USP46: variants seen among roughly 807,000 people sequenced by gnomAD.
USP46 encodes the protein ubiquitin specific peptidase 46, also known as ubiquitin carboxyl-terminal hydrolase 46.
In USP46, 12 loss-of-function variants were observed where a neutral mutation model predicts 44.4. The ratio of observed to expected loss-of-function variants is 0.27; its 90% CI spans 0.17 to 0.44. USP46 has a LOEUF of 0.44. USP46 is among the 20% of genes least tolerant of loss of function. USP46 has a pLI of 1.00. For synonymous variants in USP46, 155 were observed against 161.5 expected (o/e 0.96, Z 0.31); for missense variants, 248 against 444.8 (o/e 0.56, Z 3.98).
intron 1 of USP46, among the ~76,000 whole-genome samples, chr4:52,636,233 G>A (rs1271869822): frequency 6.6e-6 from 1 of 152,086 alleles, no homozygotes; most frequent in South Asian, 2.1e-4. Flanking sequence ...TTTGAAGATG[G>A]AGGAAGAGGC....
At chr4:52,604,723 A>G (rs1716616489) in intron 5 of USP46, 139 bp from the exon 6 acceptor site, 1 of 603,426 alleles carries the variant, frequency 1.7e-6, no homozygotes, top group African/African-American at 1.9e-5. Context: ...ATCCTACTTA[A>G]GACTAGGATG....
chr4:52,632,990 A>AAAGAAAGAAAAGAAAAGAAAG, intron 1 of USP46, among the ~76,000 whole-genome samples: 125 of 65,976 alleles, frequency 1.9e-3, no homozygotes, highest in Middle Eastern at 8.3e-3. Flanking sequence ...GAAAGAAAAG[A>AAAGAAAGAAAAGAAAAGAAAG]AAAGAAAGAA....
intron 4 of USP46, among the ~76,000 whole-genome samples, chr4:52,613,479 T>A (rs980492474): frequency 1.3e-5 from 2 of 151,882 alleles, no homozygotes; most frequent in Non-Finnish European, 2.9e-5. Flanking sequence ...ATTCCAGCAC[T>A]TTGGGAGGTG....
intron 8 of USP46, among the ~76,000 whole-genome samples, chr4:52,598,417 A>G (rs1716328726): frequency 6.6e-6 from 1 of 152,224 alleles, no homozygotes; most frequent in East Asian, 1.9e-4. Flanking sequence ...TGAACCGTGG[A>G]GAACACAGCG....
At position 52,659,104 on chromosome 4, in the gene USP46, C is replaced by T. The variant is rs1191709113; in HGVS notation, c.36+11G>A. On this transcript the variant is annotated intron_variant, in intron 1 of 8. Transcript: ENST00000441222. The surrounding 1 kb of genome is among the most constrained non-coding windows in gnomAD (Gnocchi z 4.2). Reference sequence around the variant, plus strand: ...AGTCGGGCGCGACCCCGAGGCGGCTCGGCCACTCACCATATTACAGATGGA... The same window carrying T: ...AGTCGGGCGCGACCCCGAGGCGGCTTGGCCACTCACCATATTACAGATGGA... The T allele has an allele frequency of 1.3e-6, 2 of 1,557,890 alleles. No individual in the cohort carries two copies. The highest frequency in any genetic ancestry group is 1.2e-5 in the South Asian group (1 of 84,610).
At chr4:52,628,950 C>T (rs1200420395) in intron 2 of USP46, among the ~76,000 whole-genome samples, 4 of 152,190 alleles carry the variant, frequency 2.6e-5, no homozygotes, top group Admixed American at 2.6e-4. Context: ...AGAGGGAAAA[C>T]GTCTCACTGA....
chr4:52,592,933 T>C lies in USP46; in HGVS notation c.*4707A>G, dbSNP rs1716081682. 2 of 398,432 alleles carry C rather than the reference T, an allele frequency of 5.0e-6. No homozygotes were observed. The allele number at this position is 398,432 out of a possible 1,614,324, so 24.7% of individuals were successfully genotyped here. On this transcript the variant is annotated 3_prime_UTR_variant, in exon 9 of 9. Transcript: ENST00000441222. ...AGATGGGCTTGCTTTCCCTTTGCCT[T>C]CTGCTGATTGTAAGTTTCCTGAGGC...
Position 52,659,255 on chromosome 4 carries a change from C to T in USP46, c.-105G>A, listed in dbSNP as rs1260612985. On this transcript the variant is annotated 5_prime_UTR_variant, in exon 1 of 9. Coordinates refer to ENST00000441222, the MANE Select transcript of USP46 (RefSeq NM_022832.4). The surrounding 1 kb of genome is among the most constrained non-coding windows in gnomAD (Gnocchi z 4.2). The stretch of plus-strand genomic sequence containing the variant: ...GGAGGCCGGGCGGCAGCGCGGCGGC[C>T]TGGGGTCCGGCTTTCAGTTTGGCTG... The T allele has an allele frequency of 1.7e-6, 2 of 1,199,522 alleles. No individual in the cohort carries two copies. The highest frequency in any genetic ancestry group is 2.2e-4 in the Middle Eastern group (1 of 4,486). The allele number at this position is 1,199,522 out of a possible 1,614,324, so 74.3% of individuals were successfully genotyped here.
At chr4:52,599,653 T>C (rs527418153) in intron 7 of USP46, among the ~76,000 whole-genome samples, 2 of 152,152 alleles carry the variant, frequency 1.3e-5, no homozygotes, top group East Asian at 1.9e-4. Context: ...CCTGTTACTA[T>C]GTAGTTAGGT....
At chr4:52,599,101 A>C (rs372279232) in intron 7 of USP46, among the ~76,000 whole-genome samples, 2 of 152,288 alleles carry the variant, frequency 1.3e-5, no homozygotes, top group Admixed American at 6.5e-5. Context: ...TAAACTTATA[A>C]ATGTATGTCA....
intron 1 of USP46, among the ~76,000 whole-genome samples, chr4:52,646,517 A>G (rs1440278262): frequency 1.3e-5 from 2 of 152,246 alleles, no homozygotes; most frequent in Non-Finnish European, 2.9e-5. Flanking sequence ...AACTAAAAAC[A>G]TGGAGATAAA....
In USP46 at chr4:52,598,618, G is replaced by A; in HGVS notation, c.999+10C>T. 6.2e-7 allele frequency: 1 copy of A among 1,606,040 alleles called. No homozygotes were observed. The highest frequency in any genetic ancestry group is 8.5e-7 in the Non-Finnish European group (1 of 1,176,240). ...CTCTATGACTACTGGAGAATAATCTGCAAACCAACCTCTACAATGTCATCA... is the reference window on the plus strand; with the variant it reads ...CTCTATGACTACTGGAGAATAATCTACAAACCAACCTCTACAATGTCATCA... On this transcript the variant is annotated intron_variant, in intron 8 of 8. Coordinates refer to ENST00000441222, the MANE Select transcript of USP46 (RefSeq NM_022832.4).
chr4:52,655,981 C>G (rs933592888), intron 1 of USP46, among the ~76,000 whole-genome samples: 1 of 152,132 alleles, frequency 6.6e-6, no homozygotes, highest in African/African-American at 2.4e-5. Context: ...CTCAATCACA[C>G]GAAGTATCTG....
In USP46 at chr4:52,591,852, C is replaced by A. The variant is rs924347652; in HGVS notation, c.*5788G>T. 1.3e-5 allele frequency: 2 copies of A among 152,168 alleles called. No homozygotes were observed. The highest frequency in any genetic ancestry group is 4.8e-5 in the African/African-American group (2 of 41,434). 9.4% of individuals were successfully genotyped at this position (152,168 alleles called of 1,614,324 possible). A position where few individuals can be genotyped will look rare whatever the true frequency, so the allele number is the denominator to read the frequency against. On this transcript the variant is annotated 3_prime_UTR_variant, in exon 9 of 9. Transcript: ENST00000441222. ...ATGTAAACAGATTGTTTAGAAATAA[C>A]AGATATTTGATTCATAAAGCTCACT...
At chr4:52,626,376 G>A (rs575696716) in intron 3 of USP46, 129 bp from the exon 4 acceptor site, 378 of 747,174 alleles carry the variant, frequency 5.1e-4, no homozygotes, top group Non-Finnish European at 7.1e-4. Context: ...AGGCTAGAGC[G>A]TAGTGGCATG....
chr4:52,640,088 G>C (rs1440731195), intron 1 of USP46, among the ~76,000 whole-genome samples: 1 of 151,972 alleles, frequency 6.6e-6, no homozygotes, highest in African/African-American at 2.4e-5. Context: ...GGAGTAACTT[G>C]AATTGGGTAA....
chr4:52,648,266 A>G (rs1344141029), intron 1 of USP46, among the ~76,000 whole-genome samples: 1 of 152,228 alleles, frequency 6.6e-6, no homozygotes, highest in African/African-American at 2.4e-5. Context: ...TATTTGAGCC[A>G]CTACAAAAAA....
intron 4 of USP46, among the ~76,000 whole-genome samples, chr4:52,615,431 G>A (rs1261228972): frequency 6.6e-6 from 1 of 152,122 alleles, no homozygotes; most frequent in Non-Finnish European, 1.5e-5. Context: ...AGAAATAAAA[G>A]AGGACATTTC....
At chr4:52,630,139 C>G (rs563403624) in intron 2 of USP46, among the ~76,000 whole-genome samples, 1 of 152,150 alleles carries the variant, frequency 6.6e-6, no homozygotes, top group Admixed American at 6.5e-5. Context: ...AGAAAGCTCA[C>G]GAGGATGGAG....
Sources: allele counts gnomAD v4.1 joint callset (sites outside exome capture counted in the v4.1 genomes callset), GRCh38; gene constraint gnomAD v4.1.1; non-coding constraint Gnocchi (gnomAD v3.1); transcripts MANE v1.5; gene names NCBI Gene and HGNC (gene_info 2026-07-23, HGNC 2026-07-21).